LINGO2: variants seen among roughly 807,000 people sequenced by gnomAD.
LINGO2 encodes leucine rich repeat and Ig domain containing 2, also known as leucine-rich repeat and immunoglobulin-like domain-containing nogo receptor-interacting protein 2.
A neutral mutation model predicts 30.6 loss-of-function variants in LINGO2; 14 were observed. The observed-to-expected ratio is 0.46, with a 90% CI of 0.30 to 0.72. The LOEUF (loss-of-function observed/expected upper bound fraction) is 0.72, where lower values mean the gene tolerates loss of function less well. Ranked by LOEUF, LINGO2 falls within the 30% of genes least tolerant of loss-of-function variation. LINGO2 has a pLI of 0.07. For missense variants in LINGO2, 729 were observed against 751.7 expected, an observed-to-expected ratio of 0.97 and a Z score of 0.35; for synonymous variants, 317 against 288.5, an observed-to-expected ratio of 1.10 and a Z score of -1.00.
intron 4 of LINGO2, among the ~76,000 whole-genome samples, chr9:28,126,332 T>C (rs1355619708): frequency 1.3e-5 from 2 of 152,186 alleles, no homozygotes; most frequent in African/African-American, 4.8e-5. Flanking sequence ...AAGGTTCATT[T>C]AGAAGACTAG....
At chr9:28,232,364 G>A (rs1017665472) in intron 4 of LINGO2, among the ~76,000 whole-genome samples, 2 of 145,382 alleles carry the variant, frequency 1.4e-5, no homozygotes, top group African/African-American at 2.6e-5. Flanking sequence ...GTTGCACTGA[G>A]CTGAGGTTGC....
chr9:29,105,815 A>T, the LINGO2 span, among the ~76,000 whole-genome samples: 1 of 152,184 alleles, frequency 6.6e-6, no homozygotes, highest in Non-Finnish European at 1.5e-5. Context: ...GGCAACATCT[A>T]GGATCTAAGA....
At chr9:28,741,211 G>T in the LINGO2 span, among the ~76,000 whole-genome samples, 1 of 151,928 alleles carries the variant, frequency 6.6e-6, no homozygotes, top group Non-Finnish European at 1.5e-5. Context: ...GCAGCCACAG[G>T]GACTGGCCTA....
intron 4 of LINGO2, among the ~76,000 whole-genome samples, chr9:28,173,549 G>A (rs938450007): frequency 6.6e-6 from 1 of 152,146 alleles, no homozygotes; most frequent in Non-Finnish European, 1.5e-5. Context: ...CCAGGAAAAG[G>A]AGAAAGTGCA....
chr9:29,041,800 A>C, the LINGO2 span, among the ~76,000 whole-genome samples: 1 of 152,062 alleles, frequency 6.6e-6, no homozygotes, highest in South Asian at 2.1e-4. Flanking sequence ...ATTGATAAGT[A>C]GATCTTATCA....
chr9:29,013,926 C>G, the LINGO2 span, among the ~76,000 whole-genome samples: 1 of 152,000 alleles, frequency 6.6e-6, no homozygotes, highest in East Asian at 1.9e-4. Flanking sequence ...TATTAACTCT[C>G]CTTTATAATC....
At chr9:28,812,723 G>A in the LINGO2 span, among the ~76,000 whole-genome samples, 2 of 152,142 alleles carry the variant, frequency 1.3e-5, no homozygotes, top group African/African-American at 4.8e-5. Flanking sequence ...TCAAAAATCA[G>A]GAGCAAAGTA....
the LINGO2 span, among the ~76,000 whole-genome samples, chr9:28,961,145 T>C: frequency 3.3e-5 from 5 of 152,214 alleles, no homozygotes; most frequent in South Asian, 8.3e-4. Flanking sequence ...ATAATTGGAA[T>C]AGGCACAATT....
intron 2 of LINGO2, among the ~76,000 whole-genome samples, chr9:28,442,755 G>A (rs939773743): frequency 1.3e-5 from 2 of 152,064 alleles, no homozygotes; most frequent in African/African-American, 4.8e-5. Flanking sequence ...AACACCATCA[G>A]TGGTATAAGC....
the LINGO2 span, among the ~76,000 whole-genome samples, chr9:28,701,625 G>A: frequency 2.0e-5 from 3 of 151,724 alleles, no homozygotes; most frequent in African/African-American, 7.3e-5. Flanking sequence ...GCTATTCTGG[G>A]TCTTTTGCTT....
chr9:28,629,478 A>G (rs1489226212), intron 1 of LINGO2, among the ~76,000 whole-genome samples: 1 of 152,084 alleles, frequency 6.6e-6, no homozygotes, highest in Non-Finnish European at 1.5e-5. Flanking sequence ...AGGAGAAAGG[A>G]AGTAAATTCT....
chr9:28,680,833 T>C, the LINGO2 span, among the ~76,000 whole-genome samples: 687 of 152,254 alleles, frequency 4.5e-3, 9 homozygotes, highest in African/African-American at 0.016. Flanking sequence ...TGTCCTGCTA[T>C]TGAGTTTTGT....
intron 5 of LINGO2, among the ~76,000 whole-genome samples, chr9:28,005,851 G>C (rs1822240221): frequency 6.6e-6 from 1 of 151,878 alleles, no homozygotes; most frequent in African/African-American, 2.4e-5. Context: ...AAAATGCATA[G>C]ATGGCCTTAT....
chr9:29,079,090 T>G, the LINGO2 span, among the ~76,000 whole-genome samples: 23 of 151,892 alleles, frequency 1.5e-4, no homozygotes, highest in Non-Finnish European at 8.8e-5. Context: ...AACCAGTACA[T>G]GATTCCGTCT....
chr9:28,061,013 G>T (rs1460387536), intron 4 of LINGO2, among the ~76,000 whole-genome samples: 3 of 151,876 alleles, frequency 2.0e-5, no homozygotes, highest in Non-Finnish European at 4.4e-5. Context: ...CCTGAAGTTA[G>T]GGAAGAATCC....
chr9:28,779,886 C>G, the LINGO2 span, among the ~76,000 whole-genome samples: 4 of 152,048 alleles, frequency 2.6e-5, no homozygotes, highest in African/African-American at 9.7e-5. Context: ...CTATCTCTCT[C>G]CCTCCCTCCC....
intron 1 of LINGO2, among the ~76,000 whole-genome samples, chr9:28,489,961 A>G (rs1826330512): frequency 6.6e-6 from 1 of 151,928 alleles, no homozygotes. Context: ...TTATGTAATA[A>G]GTAAAGTATA....
chr9:28,533,450 A>G (rs987337900), intron 1 of LINGO2, among the ~76,000 whole-genome samples: 2 of 152,110 alleles, frequency 1.3e-5, no homozygotes, highest in African/African-American at 2.4e-5. Flanking sequence ...ACATCCATCT[A>G]TCCTGTTAGT....
rs184185178 is a variant in LINGO2, at chr9:28,106,714, C to A, written c.-86-94309G>T. 1.5e-3 allele frequency among the ~76,000 whole-genome samples: 221 copies of A among 152,290 alleles called. 2 individuals carry two copies. Among genetic ancestry groups the A allele is most frequent in the Admixed American group, 0.013 (193 of 15,282 alleles). ...TTTAAAATCCTACAGTCTGACAGTT[C>A]TGTTCACTAGCAGTGAAGCCTTCTC... On this transcript the variant is annotated intron_variant, in intron 4 of 5. Transcript: ENST00000379992.
Sources: gnomAD v4.1 joint callset for allele counts (sites outside exome capture counted in the v4.1 genomes callset) on GRCh38, gnomAD v4.1.1 for gene constraint, MANE v1.5 for transcripts, NCBI Gene and HGNC (gene_info 2026-07-23, HGNC 2026-07-21) for gene names.